Variants in KLRD1 observed in about 807,000 individuals in gnomAD.
KLRD1 encodes natural killer cells antigen CD94.
Under a neutral mutation model 22.6 loss-of-function variants are expected in KLRD1, and 21 were observed. That is an observed-to-expected ratio of 0.93 (90% CI 0.66 to 1.34). KLRD1 has a LOEUF of 1.34. Among genes scored for constraint, KLRD1 ranks in the 40% most tolerant of loss-of-function variants. The probability of loss-of-function intolerance (pLI) is 0.00; values close to 1 mark genes in which losing one functional copy is unlikely to be tolerated. For synonymous variants in KLRD1, 59 were observed against 71.1 expected, an observed-to-expected ratio of 0.83 and a Z score of 0.85; for missense variants, 183 against 208.6, an observed-to-expected ratio of 0.88 and a Z score of 0.76.
At position 10,290,188 on chromosome 12, in the gene KLRD1, C is replaced by T. The variant is rs574338122; in HGVS notation, c.-100-17790C>T. Among the ~76,000 whole-genome samples, 114 of 152,254 alleles carry T rather than the reference C, an allele frequency of 7.5e-4. 1 individual carries two copies. Among genetic ancestry groups the T allele is most frequent in the African/African-American group, 2.5e-3 (105 of 41,548 alleles). On this transcript the variant is annotated intron_variant, in intron 1 of 5. Transcript: ENST00000544747. ...ATATAACTGCAAAGGCATTGGACAA[C>T]GTAAATTAAAATGGTATGTTGAATA... is the stretch of plus-strand genomic sequence containing the variant.
intron 1 of KLRD1, among the ~76,000 whole-genome samples, chr12:10,252,727 GA>G (rs1366438947): frequency 1.3e-5 from 2 of 152,100 alleles, no homozygotes; most frequent in African/African-American, 4.8e-5. Flanking sequence ...TCATCTTTGA[GA>G]AAGAGGAATA....
intron 1 of KLRD1, among the ~76,000 whole-genome samples, chr12:10,298,465 C>T (rs1565463709): frequency 6.6e-6 from 1 of 152,094 alleles, no homozygotes; most frequent in Non-Finnish European, 1.5e-5. Context: ...GTTTTATTTC[C>T]CACTTGTGCT....
At chr12:10,304,178 C>T (rs57041498), upstream of KLRD1, among the ~76,000 whole-genome samples, 2,303 of 152,134 alleles carry the variant, frequency 0.015, 52 homozygotes, top group African/African-American at 0.053. Flanking sequence ...AGTGGAAAAC[C>T]CAGGCCTGCA....
At chr12:10,310,280 C>T (rs1950030083) in intron 3 of KLRD1, among the ~76,000 whole-genome samples, 2 of 152,100 alleles carry the variant, frequency 1.3e-5, no homozygotes, top group Admixed American at 1.3e-4. Flanking sequence ...CCACCATGCC[C>T]AGCTAATTTT....
intron 1 of KLRD1, among the ~76,000 whole-genome samples, chr12:10,267,802 A>G (rs988631180): frequency 6.6e-6 from 1 of 152,318 alleles, no homozygotes; most frequent in Non-Finnish European, 1.5e-5. Flanking sequence ...GTAATTGTTA[A>G]TATGAACTAC....
At chr12:10,297,439 T>C (rs1744798776) in intron 1 of KLRD1, among the ~76,000 whole-genome samples, 1 of 152,112 alleles carries the variant, frequency 6.6e-6, no homozygotes, top group Admixed American at 6.5e-5. Flanking sequence ...ATAATTTAAA[T>C]ATTTTTAAAA....
intron 1 of KLRD1, among the ~76,000 whole-genome samples, chr12:10,271,804 G>GA (rs1270757926): frequency 2.6e-5 from 4 of 151,650 alleles, no homozygotes; most frequent in Non-Finnish European, 4.4e-5. Flanking sequence ...TCATAAGAAA[G>GA]TTTTAAAATT....
chr12:10,302,554 C>A (rs79677300), upstream of KLRD1, among the ~76,000 whole-genome samples: 1,869 of 152,232 alleles, frequency 0.012, 29 homozygotes, highest in African/African-American at 0.042. Flanking sequence ...CTGGAGTTAT[C>A]ACTCAAAGTC....
intron 1 of KLRD1, among the ~76,000 whole-genome samples, chr12:10,250,446 A>ACTTTT (rs879377671): frequency 2.4e-4 from 37 of 151,508 alleles, no homozygotes; most frequent in African/African-American, 4.6e-4. Flanking sequence ...ATTGTTCCAA[A>ACTTTT]CTTTTCTTTT....
intron 1 of KLRD1, among the ~76,000 whole-genome samples, chr12:10,268,637 C>T (rs1043959335): frequency 3.3e-5 from 5 of 152,042 alleles, no homozygotes; most frequent in Admixed American, 3.3e-4. Context: ...ATTTCAATTC[C>T]AGTTTATATT....
chr12:10,274,279 C>CA (rs995365318), intron 1 of KLRD1, among the ~76,000 whole-genome samples: 6 of 150,970 alleles, frequency 4.0e-5, no homozygotes, highest in African/African-American at 4.9e-5. Context: ...AACTCCATTT[C>CA]AAAAAAAAAT....
intron 1 of KLRD1, among the ~76,000 whole-genome samples, chr12:10,291,793 G>GC (rs951509880): frequency 1.5e-4 from 22 of 151,688 alleles, no homozygotes; most frequent in African/African-American, 5.1e-4. Context: ...CCTTCCCCTT[G>GC]CCCCCCACCT....
In KLRD1 at chr12:10,326,295, C is replaced by T. The variant is rs1950361469; in HGVS notation, c.*11502C>T. On this transcript the variant is annotated 3_prime_UTR_variant, in exon 6 of 6. Coordinates refer to ENST00000336164, the MANE Select transcript of KLRD1 (RefSeq NM_002262.5). Reference sequence around the variant, plus strand: ...TTCCATTGGTTATTTCCTTTGTGAACCCTGAAAATTTGAGACAGGTCTCAG... The same window carrying T: ...TTCCATTGGTTATTTCCTTTGTGAATCCTGAAAATTTGAGACAGGTCTCAG... 6.6e-6 allele frequency: 1 copy of T among 152,100 alleles called. No individual in the cohort carries two copies. The highest frequency in any genetic ancestry group is 1.9e-4 in the East Asian group (1 of 5,190). 9.4% of individuals were successfully genotyped at this position (152,100 alleles called of 1,614,324 possible).
chr12:10,296,162 A>C (rs1949819338), intron 1 of KLRD1, among the ~76,000 whole-genome samples: 1 of 152,218 alleles, frequency 6.6e-6, no homozygotes. Context: ...ACTGTAGGAC[A>C]TACTGATGTT....
chr12:10,312,916 G>A (rs1181876854), intron 4 of KLRD1, among the ~76,000 whole-genome samples: 2 of 151,766 alleles, frequency 1.3e-5, no homozygotes, highest in Admixed American at 1.3e-4. Context: ...GAACCTGGGA[G>A]GCAGAGCTTG....
At chr12:10,256,243 C>T (rs1415976074) in intron 1 of KLRD1, among the ~76,000 whole-genome samples, 2 of 151,716 alleles carry the variant, frequency 1.3e-5, no homozygotes, top group Admixed American at 1.3e-4. Flanking sequence ...CTTATTAGAT[C>T]CTGTTTTTGC....
intron 1 of KLRD1, among the ~76,000 whole-genome samples, chr12:10,239,467 T>TCA (rs1555098474): frequency 1.9e-5 from 1 of 53,482 alleles, no homozygotes; most frequent in Admixed American, 1.5e-4. Context: ...CCTTCCTTCC[T>TCA]TCCTTCCTTC....
At chr12:10,271,099 T>TG (rs964489519) in intron 1 of KLRD1, among the ~76,000 whole-genome samples, 3 of 149,994 alleles carry the variant, frequency 2.0e-5, no homozygotes, top group South Asian at 2.1e-4. Flanking sequence ...CCCTAATTGT[T>TG]TTTTTTTTTT....
intron 1 of KLRD1, among the ~76,000 whole-genome samples, chr12:10,240,428 T>G (rs770599373): frequency 5.9e-5 from 9 of 152,298 alleles, no homozygotes; most frequent in Non-Finnish European, 7.4e-5. Flanking sequence ...GCCATGATCT[T>G]ATTCTGACCA....
Sources: gnomAD v4.1 joint callset for allele counts (sites outside exome capture counted in the v4.1 genomes callset) on GRCh38, gnomAD v4.1.1 for gene constraint, MANE v1.5 for transcripts, NCBI Gene and HGNC (gene_info 2026-07-23, HGNC 2026-07-21) for gene names.